The following MGAM variants were observed in gnomAD, a reference collection of about 807,000 sequenced individuals.
The protein encoded by MGAM is maltase-glucoamylase, also known as alpha-1,4-glucosidase.
A neutral mutation model predicts 358.8 loss-of-function variants in MGAM; 253 were observed. That is an observed-to-expected ratio of 0.71 (90% CI 0.64 to 0.78). MGAM has a LOEUF of 0.78. Among genes scored for constraint, MGAM ranks in the 30% least tolerant of loss-of-function variants. The pLI is 0.00. For missense variants in MGAM, 3,080 were observed against 3,432.6 expected (o/e 0.90, Z 2.57); for synonymous variants, 1,105 against 1,227.1 (o/e 0.90, Z 2.08).
rs782240946 is a variant in MGAM, at chr7:142,036,934, G to T, written c.2188G>T (p.Ala730Ser). Residue 730 changes from alanine (A) to serine (S), a missense_variant, in exon 18 of 71, where the codon GCT (alanine) becomes TCT (serine). Ala to Ser is a moderately conservative substitution (Grantham distance 99). Around this residue, in one of 5 missense-constraint regions of MGAM, gnomAD observed 1,816 missense variants for 1,840.5 expected, o/e 0.99. Transcript: ENST00000475668. ...CTACCTATACACCCTCTTCTTCCGT[G>T]CTCACAGCCGAGGGGACACGGTGGC... ...LPYLYTLFFR[A>S]HSRGDTVARP... The T allele has an allele frequency of 4.6e-5, 75 of 1,613,514 alleles. No homozygotes were observed. The highest frequency in any genetic ancestry group is 1.0e-4 in the Admixed American group (6 of 59,982).
intron 21 of MGAM, among the ~76,000 whole-genome samples, chr7:142,045,682 AT>A (rs1350162948): frequency 5.7e-5 from 6 of 106,114 alleles, no homozygotes; most frequent in African/African-American, 2.2e-4. Flanking sequence ...TATAATATAT[AT>A]TATATACATA....
chr7:142,077,207 A>G (rs1310952758), intron 47 of MGAM, among the ~76,000 whole-genome samples: 2 of 145,784 alleles, frequency 1.4e-5, no homozygotes, highest in African/African-American at 4.9e-5. Flanking sequence ...TGGTATTTGA[A>G]AAAGGCCAGC....
In MGAM at chr7:142,052,905, C is replaced by T. The variant is rs1190814491; in HGVS notation, c.3080C>T (p.Ala1027Val). The T allele has an allele frequency of 6.2e-7, 1 of 1,613,856 alleles. No homozygotes were observed. Among genetic ancestry groups the T allele is most frequent in the East Asian group, 2.2e-5 (1 of 44,874 alleles). Reference sequence around the variant, plus strand: ...ATCTCCTTAAAGTCTTCCGTTTATGCCAATGCCTTCCCCTCCACACCCGTG... The same window carrying T: ...ATCTCCTTAAAGTCTTCCGTTTATGTCAATGCCTTCCCCTCCACACCCGTG... ...ADISLKSSVY[A>V]NAFPSTPVNP... Residue 1027 changes from alanine (A) to valine (V), a missense_variant, in exon 26 of 71, where the codon GCC (alanine) becomes GTC (valine). Physicochemically the swap from Ala to Val is moderately conservative, Grantham distance 64 (BLOSUM62 0). Around this residue, in one of 5 missense-constraint regions of MGAM, gnomAD observed 1,816 missense variants for 1,840.5 expected, o/e 0.99. Transcript: ENST00000475668.
intron 16 of MGAM, 37 bp from the exon 17 acceptor site, chr7:142,036,129 AAGG>A: frequency 1.4e-6 from 2 of 1,422,012 alleles, no homozygotes; most frequent in Non-Finnish European, 2.0e-6. Flanking sequence ...GGGTGGTTAG[AAGG>A]AAGTGAGGTA....
At chr7:142,020,430 T>C (rs1019279656) in intron 4 of MGAM, among the ~76,000 whole-genome samples, 2 of 152,072 alleles carry the variant, frequency 1.3e-5, no homozygotes, top group African/African-American at 2.4e-5. Context: ...AATCAGATTT[T>C]GTAGAAGAGA....
rs1805955437 is a variant in MGAM, at chr7:142,016,207, A to T, written c.328-2992A>T. ...AATTGGAGGAGGAGAGGATTGGGGTAGAGCAGAGCTTGATTGACTCTTAAG... is the reference window on the plus strand; with the variant it reads ...AATTGGAGGAGGAGAGGATTGGGGTTGAGCAGAGCTTGATTGACTCTTAAG... On this transcript the variant is annotated intron_variant, in intron 3 of 70. Transcript: ENST00000475668. 2.0e-5 allele frequency among the ~76,000 whole-genome samples: 3 copies of T among 152,180 alleles called. No homozygotes were observed. The South Asian group carries it at 6.2e-4, about 32-fold the overall frequency.
rs1554457486 is a variant in MGAM at position 142,019,234 on chromosome 7, C to A, written c.363C>A (p.Pro121=). The A allele has an allele frequency of 1.2e-6, 2 of 1,613,648 alleles. No homozygotes were observed. Among genetic ancestry groups the A allele is most frequent in the South Asian group, 2.2e-5 (2 of 91,072 alleles). The change falls in exon 4 of 71, where the codon CCC becomes CCA. Residue 121 remains proline (P), a synonymous_variant. Coordinates refer to ENST00000475668, the MANE Select transcript of MGAM (RefSeq NM_001365693.1). ...TCDQRGCCWN[P]QGAVSVPWCY... ...ACCAACGTGGCTGTTGCTGGAATCC[C>A]CAGGGAGCTGTAAGTGTTCCCTGGT...
chr7:142,040,610 TA>T, intron 20 of MGAM, 111 bp from the exon 21 acceptor site: 1 of 1,361,012 alleles, frequency 7.3e-7, no homozygotes, highest in Non-Finnish European at 1.0e-6. Context: ...GGCTAGACCA[TA>T]ATTCAGCTAA....
intron 68 of MGAM, among the ~76,000 whole-genome samples, chr7:142,101,929 G>GA (rs1472363858): frequency 4.0e-5 from 6 of 150,482 alleles, no homozygotes; most frequent in Non-Finnish European, 8.9e-5. Flanking sequence ...AAGAAAGAAA[G>GA]AAAGAAAAGA....
At chr7:141,988,003 C>T (rs994312469) in intron 2 of MGAM, among the ~76,000 whole-genome samples, 1 of 152,062 alleles carries the variant, frequency 6.6e-6, no homozygotes, top group Non-Finnish European at 1.5e-5. Context: ...TAAAGTACTC[C>T]GAGGCTGGGC....
chr7:142,094,825 T>C lies in MGAM; in HGVS notation c.7420T>C (p.Tyr2474His), dbSNP rs369960214. 1 of 1,613,870 alleles carries C rather than the reference T, an allele frequency of 6.2e-7. No homozygotes were observed. The highest frequency in any genetic ancestry group is 1.3e-5 in the African/African-American group (1 of 74,926). ...TCGCTGGATGCAGCTGGGGGCCTTT[T>C]ACCCCTTCTCAAGAAACCACAACAC... ...CVRWMQLGAF[Y>H]PFSRNHNTIG... The change falls in exon 63 of 71, where the codon TAC (tyrosine) becomes CAC (histidine). Residue 2474 changes from tyrosine to histidine, a missense_variant. Tyr to His is a moderately conservative substitution (Grantham distance 83, BLOSUM62 2). Coordinates refer to ENST00000475668, the MANE Select transcript of MGAM (RefSeq NM_001365693.1).
At chr7:142,023,855 T>C (rs934422312) in intron 7 of MGAM, among the ~76,000 whole-genome samples, 2 of 152,202 alleles carry the variant, frequency 1.3e-5, no homozygotes, top group African/African-American at 4.8e-5. Flanking sequence ...CTCAGATCCT[T>C]GCTTCTCAAA....
intron 36 of MGAM, 114 bp from the exon 37 acceptor site, chr7:142,064,270 C>T (rs369694399): frequency 5.0e-5 from 72 of 1,451,342 alleles, no homozygotes; most frequent in Middle Eastern, 2.4e-4. Flanking sequence ...AGATGGAGAG[C>T]GACACAGGCA....
intron 21 of MGAM, among the ~76,000 whole-genome samples, chr7:142,043,763 A>C (rs1350009880): frequency 3.7e-5 from 3 of 81,600 alleles, no homozygotes; most frequent in African/African-American, 1.1e-4. Context: ...ACGACATATA[A>C]TATATACATT....
intron 35 of MGAM, 76 bp from the exon 36 acceptor site, chr7:142,063,423 A>C: frequency 6.5e-7 from 1 of 1,529,180 alleles, no homozygotes; most frequent in East Asian, 2.4e-5. Context: ...CAATTTATTC[A>C]CTACTTCCTT....
chr7:142,046,714 A>G (rs995035623), intron 21 of MGAM, among the ~76,000 whole-genome samples: 2 of 152,124 alleles, frequency 1.3e-5, no homozygotes, highest in Non-Finnish European at 2.9e-5. Flanking sequence ...TAACAGGAAT[A>G]TGTGTTGTAA....
At chr7:142,035,775 G>A (rs919133350) in intron 16 of MGAM, among the ~76,000 whole-genome samples, 3 of 152,106 alleles carry the variant, frequency 2.0e-5, no homozygotes, top group African/African-American at 7.2e-5. Context: ...TTTAATAGGT[G>A]AGTGACATGG....
At chr7:142,020,030 C>T (rs1210055431) in intron 4 of MGAM, among the ~76,000 whole-genome samples, 1 of 151,266 alleles carries the variant, frequency 6.6e-6, no homozygotes, top group Non-Finnish European at 1.5e-5. Flanking sequence ...GATTGTGCCA[C>T]TTCGCTCCAG....
rs1211981909 is a variant in MGAM, at chr7:142,038,625, C to T, written c.2316+10C>T. 1 of 1,594,096 alleles carries T rather than the reference C, an allele frequency of 6.3e-7. No individual in the cohort carries two copies. Among genetic ancestry groups the T allele is most frequent in the Non-Finnish European group, 8.6e-7 (1 of 1,167,876 alleles). Reference sequence around the variant, plus strand: ...TCCAGTTCTGGATGAAGTAAGTGTTCCCACAGAGATACACTAGAGATCTCT... The same window carrying T: ...TCCAGTTCTGGATGAAGTAAGTGTTTCCACAGAGATACACTAGAGATCTCT... On this transcript the variant is annotated intron_variant, in intron 19 of 70. Transcript: ENST00000475668.
Sources: gnomAD v4.1 joint callset for allele counts (sites outside exome capture counted in the v4.1 genomes callset) on GRCh38, gnomAD v4.1.1 for gene constraint, gnomAD v4.1.1 regional missense constraint, MANE v1.5 for transcripts, NCBI Gene and HGNC (gene_info 2026-07-23, HGNC 2026-07-21) for gene names.